Variants in WEE1 observed in about 807,000 individuals in gnomAD.
The protein encoded by WEE1 is wee1-like protein kinase.
A neutral mutation model predicts 68.8 loss-of-function variants in WEE1; 16 were observed. The ratio of observed to expected loss-of-function variants is 0.23; its 90% confidence interval spans 0.16 to 0.35. The LOEUF is 0.35. Ranked by LOEUF, WEE1 falls within the 10% of genes least tolerant of loss-of-function variation. The pLI is 1.00. For missense variants in WEE1, 651 were observed against 824.1 expected, an observed-to-expected ratio of 0.79 and a Z score of 2.57; for synonymous variants, 349 against 318.7, an observed-to-expected ratio of 1.09 and a Z score of -1.01.
chr11:9,587,271 G>T (rs537784717), intron 10 of WEE1, among the ~76,000 whole-genome samples: 14 of 152,246 alleles, frequency 9.2e-5, no homozygotes, highest in African/African-American at 3.4e-4. Context: ...CCAGTAGTTC[G>T]ATATGTTGTT....
chr11:9,574,118 T>A lies in WEE1; in HGVS notation c.185T>A (p.Leu62Gln). 1 of 1,208,794 alleles carries A rather than the reference T, an allele frequency of 8.3e-7. No individual in the cohort carries two copies. Among genetic ancestry groups the A allele is most frequent in the East Asian group, 3.4e-5 (1 of 29,280 alleles). The allele number at this position is 1,208,794 out of a possible 1,614,324, so 74.9% of individuals were successfully genotyped here. Residue 62 changes from leucine to glutamine, a missense_variant, in exon 1 of 11, where the codon CTG becomes CAG. Coordinates refer to ENST00000450114, the MANE Select transcript of WEE1 (RefSeq NM_003390.4). This position sits in a 1 kb window ranked among gnomAD's most constrained non-coding sequence, Gnocchi z 4.9. ...GCCTTTCAAGAGCCCGACTCGCCGC[T>A]GCCGCCCGCGCGGAGCCCCACGGAG... Reference protein sequence around the residue: ...DSAFQEPDSPLPPARSPTEPG... With the variant: ...DSAFQEPDSPQPPARSPTEPG...
chr11:9,573,716 C>G lies in WEE1; in HGVS notation c.-218C>G, dbSNP rs1849529667. On this transcript the variant is annotated 5_prime_UTR_variant, in exon 1 of 11. Coordinates refer to ENST00000450114, the MANE Select transcript of WEE1 (RefSeq NM_003390.4). Reference sequence around the variant, plus strand: ...ACCTGAGGAGACCTCAGCCTCGGTGCTCGGGCCGCCCCGCCTCTGCCGGAA... The same window carrying G: ...ACCTGAGGAGACCTCAGCCTCGGTGGTCGGGCCGCCCCGCCTCTGCCGGAA... 5.1e-6 allele frequency: 1 copy of G among 196,958 alleles called. No individual in the cohort carries two copies. Among genetic ancestry groups the G allele is most frequent in the Non-Finnish European group, 9.9e-6 (1 of 100,556 alleles). The allele number at this position is 196,958 out of a possible 1,614,324, so 12.2% of individuals were successfully genotyped here.
Position 9,576,364 on chromosome 11 carries a change from T to C in WEE1, c.846+71T>C. 1 of 1,538,592 alleles carries C rather than the reference T, an allele frequency of 6.5e-7. No homozygotes were observed. On this transcript the variant is annotated intron_variant, in intron 3 of 10. Coordinates refer to ENST00000450114, the MANE Select transcript of WEE1 (RefSeq NM_003390.4). The surrounding 1 kb of genome is among the most constrained non-coding windows in gnomAD (Gnocchi z 4.3). ...CACTTAAAGCATGCTATGAATATGT[T>C]AATAAGCATTAACACATAAGGTAGA...
At chr11:9,578,816 T>G (rs1475203970) in intron 5 of WEE1, 6 of 152,116 alleles carry the variant, frequency 3.9e-5, no homozygotes, top group African/African-American at 1.4e-4. Context: ...CTTGCTACCC[T>G]CTCAGATTAC....
Position 9,576,406 on chromosome 11 carries a change from A to G in WEE1, c.847-81A>G, listed in dbSNP as rs1565087404. 1 of 1,557,804 alleles carries G rather than the reference A, an allele frequency of 6.4e-7. No individual in the cohort carries two copies. Among genetic ancestry groups the G allele is most frequent in the East Asian group, 2.3e-5 (1 of 44,350 alleles). ...TAAGGTAGAATGGTTTTTAAATTTC[A>G]CACATAGCCCTATCACCATAGCAAG... On this transcript the variant is annotated intron_variant, in intron 3 of 10. Coordinates refer to ENST00000450114, the MANE Select transcript of WEE1 (RefSeq NM_003390.4). This position sits in a 1 kb window ranked among gnomAD's most constrained non-coding sequence, Gnocchi z 4.3.
At chr11:9,581,122 C>T (rs1007558420) in intron 5 of WEE1, 1 of 160,760 alleles carries the variant, frequency 6.2e-6, no homozygotes, top group African/African-American at 2.4e-5. Flanking sequence ...AAGTTGGAAA[C>T]AGCACAAGTC....
At chr11:9,581,438 G>A in intron 5 of WEE1, 94 bp from the exon 6 acceptor site, 1 of 1,205,204 alleles carries the variant, frequency 8.3e-7, no homozygotes, top group Non-Finnish European at 1.1e-6. Context: ...CACTTTCTTG[G>A]TTGAGATTGG....
chr11:9,585,418 C>T, intron 7 of WEE1, 24 bp from the exon 8 acceptor site: 1 of 1,607,872 alleles, frequency 6.2e-7, no homozygotes, highest in African/African-American at 1.3e-5. Context: ...TTGCTCTTCA[C>T]TGTAAGTTTT....
chr11:9,576,648 C>T lies in WEE1; in HGVS notation c.1008C>T (p.Gly336=), dbSNP rs779918301. Reference sequence around the variant, plus strand: ...AGCGATCAAAAAAGCCATTGGCGGGCTCTGTTGATGAGTATGTATTAAACA... The same window carrying T: ...AGCGATCAAAAAAGCCATTGGCGGGTTCTGTTGATGAGTATGTATTAAACA... The part of the protein sequence containing the change: ...AIKRSKKPLA[G]SVDEQNALRE... Residue 336 remains glycine (G), a synonymous_variant, in exon 4 of 11, where the codon GGC becomes GGT. Transcript: ENST00000450114. The surrounding 1 kb of genome is among the most constrained non-coding windows in gnomAD (Gnocchi z 4.3). The T allele has an allele frequency of 3.7e-6, 6 of 1,613,036 alleles. No individual in the cohort carries two copies. The highest frequency in any genetic ancestry group is 5.1e-6 in the Non-Finnish European group (6 of 1,179,632).
At chr11:9,577,688 C>G (rs372748354) in intron 5 of WEE1, 37 of 327,146 alleles carry the variant, frequency 1.1e-4, no homozygotes, top group Non-Finnish European at 1.9e-4. Flanking sequence ...CTCTGTTGAT[C>G]TAAATTCAGC....
rs16906871 is a variant in WEE1, at chr11:9,574,782, G to T, written c.576+273G>T. 2.0e-6 allele frequency: 2 copies of T among 1,009,968 alleles called. No homozygotes were observed. The highest frequency in any genetic ancestry group is 2.4e-6 in the Non-Finnish European group (2 of 846,348). 62.6% of individuals were successfully genotyped at this position (1,009,968 alleles called of 1,614,324 possible). On this transcript the variant is annotated intron_variant, in intron 1 of 10. Transcript: ENST00000450114. The surrounding 1 kb of genome is among the most constrained non-coding windows in gnomAD (Gnocchi z 4.9). ...CAAGGATTTGCCGCCCGTTGAGTCC[G>T]GGCCGCCCCGAGCGTGTCAGCCCCG... is the stretch of plus-strand genomic sequence containing the variant.
intron 5 of WEE1, chr11:9,581,314 T>G: frequency 2.1e-6 from 1 of 476,440 alleles, no homozygotes. Flanking sequence ...GGTGTATGAT[T>G]GAGAGAGAGA....
At chr11:9,588,362 A>C in intron 10 of WEE1, 87 bp from the exon 11 acceptor site, 1 of 904,264 alleles carries the variant, frequency 1.1e-6, no homozygotes, top group South Asian at 3.0e-5. Context: ...ATGGCATGCA[A>C]ATATCTCCCA....
chr11:9,584,389 T>C (rs1231384427), intron 6 of WEE1, among the ~76,000 whole-genome samples: 1 of 152,094 alleles, frequency 6.6e-6, no homozygotes, highest in African/African-American at 2.4e-5. Context: ...TAGGTAATCC[T>C]CCTACCTCAG....
chr11:9,584,946 C>T (rs1849683858), intron 6 of WEE1, among the ~76,000 whole-genome samples: 2 of 152,106 alleles, frequency 1.3e-5, no homozygotes, highest in South Asian at 2.1e-4. Flanking sequence ...GTGGCATGTG[C>T]CTGTAGTCCC....
At chr11:9,587,007 C>A in intron 10 of WEE1, 151 bp downstream of exon 10, 1 of 830,976 alleles carries the variant, frequency 1.2e-6, no homozygotes, top group Non-Finnish European at 1.8e-6. Context: ...TGTCATCAGG[C>A]TGGAGTGCAC....
rs1432440679 is a variant in WEE1, at chr11:9,589,072, C to A, written c.*470C>A. On this transcript the variant is annotated 3_prime_UTR_variant, in exon 11 of 11. Coordinates refer to ENST00000450114, the MANE Select transcript of WEE1 (RefSeq NM_003390.4). ...TTAATTGTGAATTAGACTTGTATATCCCACTGGGAGCACTTTGTAGGCATT... is the reference window on the plus strand; with the variant it reads ...TTAATTGTGAATTAGACTTGTATATACCACTGGGAGCACTTTGTAGGCATT... The A allele has an allele frequency of 1.0e-6, 1 of 985,360 alleles. No individual in the cohort carries two copies. The highest frequency in any genetic ancestry group is 1.2e-6 in the Non-Finnish European group (1 of 829,862). The allele number at this position is 985,360 out of a possible 1,614,324, so 61.0% of individuals were successfully genotyped here.
chr11:9,574,636 A>G lies in WEE1; in HGVS notation c.576+127A>G, dbSNP rs372919704. The G allele has an allele frequency of 5.2e-5, 57 of 1,104,370 alleles. No individual in the cohort carries two copies. Among genetic ancestry groups the G allele is most frequent in the South Asian group, 4.0e-4 (9 of 22,404 alleles). 68.4% of individuals were successfully genotyped at this position (1,104,370 alleles called of 1,614,324 possible). A position where few individuals can be genotyped will look rare whatever the true frequency, so the allele number is the denominator to read the frequency against. On this transcript the variant is annotated intron_variant, in intron 1 of 10. Transcript: ENST00000450114. The surrounding 1 kb of genome is among the most constrained non-coding windows in gnomAD (Gnocchi z 4.9). ...CCTCGCTTTCCTGCGCCGCCCCCCA[A>G]AGTTGGCAGCCCTTGTGTTTGGCCC...
At chr11:9,583,717 A>T in intron 6 of WEE1, among the ~76,000 whole-genome samples, 1 of 148,092 alleles carries the variant, frequency 6.8e-6, no homozygotes, top group Admixed American at 6.8e-5. Context: ...TGTAACATAA[A>T]TTTAATACTA....
Sources: allele counts gnomAD v4.1 joint callset (sites outside exome capture counted in the v4.1 genomes callset), GRCh38; gene constraint gnomAD v4.1.1; non-coding constraint Gnocchi (gnomAD v3.1); transcripts MANE v1.5; gene names NCBI Gene and HGNC (gene_info 2026-07-23, HGNC 2026-07-21).